APBA2: variants seen among roughly 807,000 people sequenced by gnomAD.
APBA2 encodes amyloid beta precursor protein binding family A member 2.
APBA2 carries 30 observed loss-of-function variants against 75.0 expected under a neutral mutation model. The observed-to-expected ratio is 0.40, with a 90% CI of 0.30 to 0.54. APBA2 has a LOEUF of 0.54. Ranked by LOEUF, APBA2 falls within the 20% of genes least tolerant of loss-of-function variation. The pLI is 0.49. For synonymous variants in APBA2, 444 were observed against 409.6 expected (o/e 1.08, Z -1.01); for missense variants, 801 against 1,016.1 (o/e 0.79, Z 2.88).
intron 2 of APBA2, among the ~76,000 whole-genome samples, chr15:28,979,163 C>G (rs755293729): frequency 1.3e-5 from 2 of 152,204 alleles, no homozygotes; most frequent in Admixed American, 6.5e-5. Context: ...TGCCCCGATT[C>G]CAGGCTGGGC....
intron 3 of APBA2, among the ~76,000 whole-genome samples, chr15:29,017,669 C>T (rs2039743149): frequency 2.0e-5 from 3 of 152,160 alleles, no homozygotes; most frequent in South Asian, 2.1e-4. Context: ...ATGTGCCCGG[C>T]ACCATCTTCT....
At position 29,051,740 on chromosome 15, in the gene APBA2, C is replaced by G. The variant is rs187621022; in HGVS notation, c.-40-2105C>G. 4.4e-3 allele frequency among the ~76,000 whole-genome samples: 675 copies of G among 152,186 alleles called. 10 individuals carry two copies. Among genetic ancestry groups the G allele is most frequent in the African/African-American group, 0.016 (646 of 41,514 alleles). On this transcript the variant is annotated intron_variant, in intron 3 of 14. Coordinates refer to ENST00000683413, the MANE Select transcript of APBA2 (RefSeq NM_001353788.2). ...TGGGGGGATACACAATATGGAAGGC[C>G]TTGAGTTTGTGGCCTAAACTAAAGA...
chr15:28,888,061 A>T (rs1049659900), intron 1 of APBA2, among the ~76,000 whole-genome samples: 6 of 152,200 alleles, frequency 3.9e-5, no homozygotes, highest in Non-Finnish European at 8.8e-5. Flanking sequence ...TCCACCTTGC[A>T]TGTTTTCTCT....
chr15:28,930,484 A>G (rs965052990), intron 2 of APBA2, among the ~76,000 whole-genome samples: 1 of 152,174 alleles, frequency 6.6e-6, no homozygotes, highest in Non-Finnish European at 1.5e-5. Flanking sequence ...TTGGTCAGTC[A>G]TGAAAAGGAG....
intron 2 of APBA2, among the ~76,000 whole-genome samples, chr15:28,938,494 G>A (rs1172094175): frequency 2.0e-5 from 3 of 152,030 alleles, no homozygotes; most frequent in Non-Finnish European, 4.4e-5. Flanking sequence ...TACATATTAT[G>A]GGGGTACGTG....
intron 1 of APBA2, among the ~76,000 whole-genome samples, chr15:28,902,718 G>T (rs1044343386): frequency 6.6e-6 from 1 of 152,178 alleles, no homozygotes; most frequent in African/African-American, 2.4e-5. Context: ...TGTAAGTCTA[G>T]AACTGTTCTA....
At chr15:29,105,244 TCTA>T (rs1201095247) in intron 10 of APBA2, 132 bp from the exon 11 acceptor site, 2 of 854,518 alleles carry the variant, frequency 2.3e-6, no homozygotes, top group Non-Finnish European at 3.6e-6. Context: ...TTCTTGTTCT[TCTA>T]AGCCCGAGCA....
chr15:29,052,576 C>T (rs2041654925), intron 3 of APBA2, among the ~76,000 whole-genome samples: 1 of 152,108 alleles, frequency 6.6e-6, no homozygotes, highest in Non-Finnish European at 1.5e-5. Context: ...GGTCTCCCTG[C>T]CTCTAGCCTC....
At chr15:29,048,002 G>A (rs1268198036) in intron 3 of APBA2, among the ~76,000 whole-genome samples, 1 of 152,112 alleles carries the variant, frequency 6.6e-6, no homozygotes, top group Non-Finnish European at 1.5e-5. Flanking sequence ...TCAATAAATA[G>A]GAAGATTTTT....
intron 2 of APBA2, among the ~76,000 whole-genome samples, chr15:28,943,957 C>T (rs1279523675): frequency 6.6e-6 from 1 of 152,154 alleles, no homozygotes; most frequent in Non-Finnish European, 1.5e-5. Flanking sequence ...TGCCGTGGCC[C>T]CCATGCTCCC....
At chr15:28,986,540 C>T (rs2037937568) in intron 2 of APBA2, among the ~76,000 whole-genome samples, 1 of 152,120 alleles carries the variant, frequency 6.6e-6, no homozygotes, top group African/African-American at 2.4e-5. Flanking sequence ...CCTCTGTTGT[C>T]CAAGCTGAAG....
chr15:29,034,570 A>G (rs2152850863), intron 3 of APBA2, among the ~76,000 whole-genome samples: 1 of 152,316 alleles, frequency 6.6e-6, no homozygotes, highest in Non-Finnish European at 1.5e-5. Context: ...ATGAAATGAA[A>G]GTGTTAGGAA....
intron 2 of APBA2, among the ~76,000 whole-genome samples, chr15:28,946,933 A>C (rs1009293485): frequency 6.6e-6 from 1 of 152,158 alleles, no homozygotes; most frequent in Non-Finnish European, 1.5e-5. Flanking sequence ...GTGTTGTCTG[A>C]AGTCACTAGA....
At chr15:28,886,726 G>C (rs1344048434) in intron 1 of APBA2, among the ~76,000 whole-genome samples, 1 of 152,162 alleles carries the variant, frequency 6.6e-6, no homozygotes, top group Admixed American at 6.5e-5. Context: ...GCTGCCCCCA[G>C]AGAACCCAAG....
intron 1 of APBA2, among the ~76,000 whole-genome samples, chr15:28,903,543 C>T (rs1405850629): frequency 6.6e-6 from 1 of 152,122 alleles, no homozygotes; most frequent in African/African-American, 2.4e-5. Flanking sequence ...TGGTGGAGGC[C>T]CAGGATGAAA....
At chr15:29,095,607 G>C (rs981086663) in intron 8 of APBA2, among the ~76,000 whole-genome samples, 3 of 152,228 alleles carry the variant, frequency 2.0e-5, no homozygotes, top group African/African-American at 7.2e-5. Context: ...GTTTTCTTCT[G>C]TTTAAACAGC....
chr15:28,985,897 C>T (rs1486806127), intron 2 of APBA2, among the ~76,000 whole-genome samples: 1 of 152,176 alleles, frequency 6.6e-6, no homozygotes, highest in Admixed American at 6.5e-5. Flanking sequence ...AACAGTCCTT[C>T]CTGATGGCTT....
intron 3 of APBA2, among the ~76,000 whole-genome samples, chr15:29,023,497 C>G (rs2040058706): frequency 8.6e-6 from 1 of 116,716 alleles, no homozygotes; most frequent in African/African-American, 3.4e-5. Flanking sequence ...GCTCTGTTGC[C>G]TAGGCTGGAG....
In APBA2 at chr15:29,099,507, C is replaced by T. The variant is rs193243684; in HGVS notation, c.1338+931C>T. 1.5e-3 allele frequency among the ~76,000 whole-genome samples: 229 copies of T among 152,326 alleles called. 1 individual carries two copies. Among genetic ancestry groups the T allele is most frequent in the African/African-American group, 5.3e-3 (220 of 41,570 alleles). ...GTGTTTACTGGGAGTTGGTCATAGG[C>T]ACCCTCTGCCTGGCAGCTACCAAAA... is the stretch of plus-strand genomic sequence containing the variant. On this transcript the variant is annotated intron_variant, in intron 9 of 14. Coordinates refer to ENST00000683413, the MANE Select transcript of APBA2 (RefSeq NM_001353788.2).
Sources: allele counts gnomAD v4.1 joint callset (sites outside exome capture counted in the v4.1 genomes callset), GRCh38; gene constraint gnomAD v4.1.1; transcripts MANE v1.5; gene names NCBI Gene and HGNC (gene_info 2026-07-23, HGNC 2026-07-21).